Variants in MTHFSD observed in about 807,000 individuals in gnomAD.
MTHFSD encodes methenyltetrahydrofolate synthase domain-containing protein.
In MTHFSD, 37 loss-of-function variants were observed where a neutral mutation model predicts 31.1. The observed-to-expected ratio is 1.19, with a 90% confidence interval of 0.91 to 1.56. MTHFSD has a LOEUF of 1.56. Ranked by LOEUF, MTHFSD falls within the 40% of genes most tolerant of loss-of-function variation. MTHFSD has a pLI of 0.00. For synonymous variants in MTHFSD, 221 were observed against 206.9 expected, an observed-to-expected ratio of 1.07 and a Z score of -0.59; for missense variants, 664 against 510.1, an observed-to-expected ratio of 1.30 and a Z score of -2.91.
At position 86,541,693 on chromosome 16, in the gene MTHFSD, C is replaced by G. The variant is rs775619193; in HGVS notation, c.681+4G>C. ...GGCCAGAGCTGGCCACTGCCGTGAC[C>G]CACCTTGAACCAGGTGATTCCCATT... On this transcript the variant is annotated splice_donor_region_variant and intron_variant, in intron 7 of 7. Coordinates refer to ENST00000360900, the MANE Select transcript of MTHFSD (RefSeq NM_001159377.2). 6.2e-7 allele frequency: 1 copy of G among 1,612,476 alleles called. No homozygotes were observed. The highest frequency in any genetic ancestry group is 1.1e-5 in the South Asian group (1 of 90,544).
At chr16:86,541,635 A>G (rs761082960) in intron 7 of MTHFSD, 62 bp downstream of exon 7, 5 of 1,571,702 alleles carry the variant, frequency 3.2e-6, no homozygotes, top group Admixed American at 3.8e-5. Flanking sequence ...CCAGACAGAA[A>G]ACACTTAAAA....
intron 3 of MTHFSD, 80 bp downstream of exon 3, chr16:86,551,953 C>T (rs751603329): frequency 2.1e-5 from 34 of 1,590,638 alleles, no homozygotes; most frequent in Non-Finnish European, 2.6e-5. Context: ...GCAAGACAGA[C>T]GTGTGCACTG....
chr16:86,548,884 TA>T (rs1312971728), intron 3 of MTHFSD, among the ~76,000 whole-genome samples: 7 of 152,322 alleles, frequency 4.6e-5, no homozygotes, highest in Non-Finnish European at 1.0e-4. Flanking sequence ...AAATCCAAAC[TA>T]AGGTCAGTTC....
intron 7 of MTHFSD, among the ~76,000 whole-genome samples, chr16:86,537,985 C>T (rs1287820365): frequency 1.3e-5 from 2 of 152,212 alleles, no homozygotes; most frequent in African/African-American, 4.8e-5. Flanking sequence ...GTGAGGAGCA[C>T]AGGACGGGTG....
In MTHFSD at chr16:86,546,574, C is replaced by T. The variant is rs954477348; in HGVS notation, c.427G>A (p.Ala143Thr). Residue 143 changes from alanine to threonine, a missense_variant, in exon 5 of 8, where the codon GCC (alanine) becomes ACC (threonine). Transcript: ENST00000360900. ...CTAGTCTTACCTTTTTCAGAAACGG[C>T]GACGGATCCCACCACAACTAAATCC... is the stretch of plus-strand genomic sequence containing the variant. Reference protein sequence around the residue: ...LVDLVVVGSVAVSEKGWRIGK... With the variant: ...LVDLVVVGSVTVSEKGWRIGK... 13 of 1,613,790 alleles carry T rather than the reference C, an allele frequency of 8.1e-6. No individual in the cohort carries two copies. The highest frequency in any genetic ancestry group is 1.3e-5 in the African/African-American group (1 of 74,912).
intron 7 of MTHFSD, among the ~76,000 whole-genome samples, chr16:86,536,148 G>T (rs908866732): frequency 6.6e-6 from 1 of 152,218 alleles, no homozygotes; most frequent in Non-Finnish European, 1.5e-5. Context: ...AGCCGTGCTG[G>T]TGAAGATGAG....
At chr16:86,540,288 G>C (rs969374120) in intron 7 of MTHFSD, among the ~76,000 whole-genome samples, 3 of 152,226 alleles carry the variant, frequency 2.0e-5, no homozygotes, top group African/African-American at 7.2e-5. Flanking sequence ...TCCTGGAAGA[G>C]GGTCTCGACA....
In MTHFSD at chr16:86,542,084, C is replaced by G; in HGVS notation, c.555+17G>C. The G allele has an allele frequency of 6.2e-7, 1 of 1,607,534 alleles. No homozygotes were observed. Among genetic ancestry groups the G allele is most frequent in the Non-Finnish European group, 8.5e-7 (1 of 1,175,086 alleles). ...GAGAATGGCAGTGGCTCTGCTCAGC[C>G]CATTCATAAGGAGCACCTGGCAGTC... is the stretch of plus-strand genomic sequence containing the variant. On this transcript the variant is annotated intron_variant, in intron 6 of 7. Transcript: ENST00000360900. The surrounding 1 kb of genome is among the most constrained non-coding windows in gnomAD (Gnocchi z 4.6).
At position 86,531,480 on chromosome 16, in the gene MTHFSD, T is replaced by C. The variant is rs1181429340; in HGVS notation, c.*531A>G. 1 of 152,222 alleles carries C rather than the reference T, an allele frequency of 6.6e-6. No individual in the cohort carries two copies. The highest frequency in any genetic ancestry group is 1.5e-5 in the Non-Finnish European group (1 of 68,080). The allele number at this position is 152,222 out of a possible 1,614,324, so 9.4% of individuals were successfully genotyped here. A position where few individuals can be genotyped will look rare whatever the true frequency, so the allele number is the denominator to read the frequency against. The stretch of plus-strand genomic sequence containing the variant: ...CTGATCTGAGCTGCAGTGAGCACTT[T>C]TTACCCAGGGGCTGAGCTTCCTGGG... On this transcript the variant is annotated 3_prime_UTR_variant, in exon 8 of 8. Transcript: ENST00000360900. This position sits in a 1 kb window ranked among gnomAD's most constrained non-coding sequence, Gnocchi z 5.5.
chr16:86,544,368 A>C (rs556628240), intron 5 of MTHFSD, among the ~76,000 whole-genome samples: 1 of 152,346 alleles, frequency 6.6e-6, no homozygotes, highest in East Asian at 1.9e-4. Flanking sequence ...AAGAAACTGA[A>C]ACAAATTTAC....
At chr16:86,547,647 T>C (rs1177893302) in intron 4 of MTHFSD, 3 of 672,618 alleles carry the variant, frequency 4.5e-6, no homozygotes, top group Non-Finnish European at 5.5e-6. Context: ...TCTTTCTTTT[T>C]CCTTTGCTCC....
chr16:86,541,204 G>A (rs938776132), intron 7 of MTHFSD: 1 of 1,288,928 alleles, frequency 7.8e-7, no homozygotes, highest in Non-Finnish European at 1.0e-6. Context: ...CTAATCTGGA[G>A]ATAAAAACCA....
At chr16:86,548,984 T>C (rs1023697388) in intron 3 of MTHFSD, among the ~76,000 whole-genome samples, 4 of 152,220 alleles carry the variant, frequency 2.6e-5, no homozygotes, top group African/African-American at 9.6e-5. Flanking sequence ...CATTAGAAAC[T>C]GGCATGGCAT....
chr16:86,548,387 T>C, intron 4 of MTHFSD, 77 bp downstream of exon 4: 2 of 1,132,918 alleles, frequency 1.8e-6, no homozygotes, highest in Non-Finnish European at 2.6e-6. Context: ...TGTGTGCTGC[T>C]ATCTTATGCT....
chr16:86,543,643 G>A (rs938267563), intron 5 of MTHFSD, among the ~76,000 whole-genome samples: 2 of 152,190 alleles, frequency 1.3e-5, no homozygotes, highest in South Asian at 2.1e-4. Flanking sequence ...AGCAAGGCAC[G>A]GAGCTCTGTG....
chr16:86,542,477 A>AG lies in MTHFSD; in HGVS notation c.443-265_443-264insC. ...GAACACTGGACCGTTCAAGCATGTC[A>AG]CAAAGGGAAACAGATCACACTCATG... is the stretch of plus-strand genomic sequence containing the variant. On this transcript the variant is annotated intron_variant, in intron 5 of 7. Coordinates refer to ENST00000360900, the MANE Select transcript of MTHFSD (RefSeq NM_001159377.2). The surrounding 1 kb of genome is among the most constrained non-coding windows in gnomAD (Gnocchi z 4.6). 1 of 408,656 alleles carries AG rather than the reference A, an allele frequency of 2.4e-6. No homozygotes were observed. The highest frequency in any genetic ancestry group is 4.4e-6 in the Non-Finnish European group (1 of 228,646). The allele number at this position is 408,656 out of a possible 1,614,324, so 25.3% of individuals were successfully genotyped here.
At chr16:86,551,645 C>T (rs1973160067) in intron 3 of MTHFSD, among the ~76,000 whole-genome samples, 1 of 152,216 alleles carries the variant, frequency 6.6e-6, no homozygotes, top group Non-Finnish European at 1.5e-5. Flanking sequence ...GCAAATGATT[C>T]TGTGTTCAGC....
At chr16:86,547,210 C>G (rs918759443) in intron 4 of MTHFSD, 5 of 986,118 alleles carry the variant, frequency 5.1e-6, no homozygotes, top group Non-Finnish European at 6.0e-6. Context: ...ACAATATACT[C>G]GCTTCTAAAA....
Position 86,542,616 on chromosome 16 carries a change from AG to A in MTHFSD, c.443-404del. 1 of 183,092 alleles carries A rather than the reference AG, an allele frequency of 5.5e-6. No homozygotes were observed. The highest frequency in any genetic ancestry group is 1.1e-5 in the Non-Finnish European group (1 of 87,386). 11.3% of individuals were successfully genotyped at this position (183,092 alleles called of 1,614,324 possible). A position where few individuals can be genotyped will look rare whatever the true frequency, so the allele number is the denominator to read the frequency against. On this transcript the variant is annotated intron_variant, in intron 5 of 7. Transcript: ENST00000360900. This position sits in a 1 kb window ranked among gnomAD's most constrained non-coding sequence, Gnocchi z 4.6. Reference sequence around the variant, plus strand: ...AACATGTTTAATCAACTTACCTCGGAGGGAAAATCGCTGCTCTGAAGTCAGG... The same window carrying A: ...AACATGTTTAATCAACTTACCTCGGAGGAAAATCGCTGCTCTGAAGTCAGG...
Sources: allele counts gnomAD v4.1 joint callset (sites outside exome capture counted in the v4.1 genomes callset), GRCh38; gene constraint gnomAD v4.1.1; non-coding constraint Gnocchi (gnomAD v3.1); transcripts MANE v1.5; gene names NCBI Gene and HGNC (gene_info 2026-07-23, HGNC 2026-07-21).